Variants in ITPR1 observed in about 807,000 individuals in gnomAD.
ITPR1 encodes inositol 1,4,5-trisphosphate receptor type 1.
Under a neutral mutation model 318.4 loss-of-function variants are expected in ITPR1, and 96 were observed. The ratio of observed to expected loss-of-function variants is 0.30; its 90% confidence interval spans 0.26 to 0.36. ITPR1 has a LOEUF of 0.36. Among genes scored for constraint, ITPR1 ranks in the 10% least tolerant of loss-of-function variants. The pLI, the probability that ITPR1 is intolerant of heterozygous loss-of-function variation, is 1.00. For synonymous variants in ITPR1, 1,312 were observed against 1,289.9 expected (o/e 1.02, Z -0.37); for missense variants, 2,440 against 3,460.2 (o/e 0.71, Z 7.40).
intron 11 of ITPR1, among the ~76,000 whole-genome samples, chr3:4,653,168 C>A (rs2093634663): frequency 6.6e-6 from 1 of 152,198 alleles, no homozygotes; most frequent in African/African-American, 2.4e-5. Flanking sequence ...TCTAGTCGTG[C>A]ATCAAAAGAC....
intron 60 of ITPR1, among the ~76,000 whole-genome samples, chr3:4,824,689 G>A (rs1047715702): frequency 1.3e-5 from 2 of 152,226 alleles, no homozygotes; most frequent in African/African-American, 4.8e-5. Context: ...GAGGAGAGTG[G>A]GAAAGAGGAT....
At chr3:4,572,558 A>T (rs1367137731) in intron 4 of ITPR1, among the ~76,000 whole-genome samples, 2 of 152,192 alleles carry the variant, frequency 1.3e-5, no homozygotes, top group Non-Finnish European at 2.9e-5. Flanking sequence ...AGCATAATAG[A>T]TAATGTGAGT....
At chr3:4,845,928 T>C (rs2051739833) in intron 61 of ITPR1, among the ~76,000 whole-genome samples, 2 of 152,266 alleles carry the variant, frequency 1.3e-5, no homozygotes, top group Non-Finnish European at 2.9e-5. Flanking sequence ...TTCTGAATGT[T>C]ACATTGCATG....
chr3:4,498,420 G>C (rs769121316), intron 2 of ITPR1, among the ~76,000 whole-genome samples: 6 of 152,152 alleles, frequency 3.9e-5, no homozygotes, highest in Non-Finnish European at 7.4e-5. Context: ...GTTGGAGGAA[G>C]GAGAAGAAGG....
chr3:4,764,848 A>G (rs112286112), intron 44 of ITPR1, among the ~76,000 whole-genome samples: 4,507 of 152,190 alleles, frequency 0.03, 92 homozygotes, highest in South Asian at 0.063. Context: ...GAGGCTGTCA[A>G]TTTCATGGGG....
At chr3:4,846,008 C>T (rs1204804495) in intron 61 of ITPR1, 131 bp from the exon 62 acceptor site, 12 of 518,754 alleles carry the variant, frequency 2.3e-5, no homozygotes, top group African/African-American at 1.6e-4. Flanking sequence ...TTTGATATAG[C>T]GATGGTACAC....
intron 2 of ITPR1, among the ~76,000 whole-genome samples, chr3:4,497,108 T>TG (rs1024702498): frequency 2.0e-5 from 3 of 152,202 alleles, no homozygotes; most frequent in African/African-American, 7.2e-5. Flanking sequence ...ATAGCTCAAT[T>TG]GATGAATGCA....
chr3:4,680,443 A>C, intron 24 of ITPR1, 110 bp from the exon 25 acceptor site: 2 of 917,806 alleles, frequency 2.2e-6, no homozygotes, highest in Non-Finnish European at 3.4e-6. Context: ...TTAGTGCTTA[A>C]GGTAATTGAT....
chr3:4,533,101 G>A (rs999505547), intron 4 of ITPR1, among the ~76,000 whole-genome samples: 2 of 152,190 alleles, frequency 1.3e-5, no homozygotes, highest in Admixed American at 1.3e-4. Context: ...TCAATAAACA[G>A]CTGGGGAGAG....
chr3:4,665,296 G>A lies in ITPR1; in HGVS notation c.1713G>A (p.Gln571=). ...CGCAGCAAGACTACAGGAAGAACCAGGTTTGGATTAAGCATTGGTGGGATG... is the reference window on the plus strand; with the variant it reads ...CGCAGCAAGACTACAGGAAGAACCAAGTTTGGATTAAGCATTGGTGGGATG... ...RHSQQDYRKN[Q]EYIAKQFGFM... is the part of the protein sequence containing the mutation. Residue 571 remains glutamine, a splice_region_variant and synonymous_variant, in exon 17 of 62, where the codon CAG becomes CAA. Coordinates refer to ENST00000649015, the MANE Select transcript of ITPR1 (RefSeq NM_001378452.1). The A allele has an allele frequency of 6.2e-7, 1 of 1,607,406 alleles. No individual in the cohort carries two copies. The highest frequency in any genetic ancestry group is 8.5e-7 in the Non-Finnish European group (1 of 1,174,740).
intron 54 of ITPR1, among the ~76,000 whole-genome samples, chr3:4,803,750 A>G (rs1474401907): frequency 2.0e-5 from 3 of 152,208 alleles, no homozygotes; most frequent in Non-Finnish European, 1.5e-5. Flanking sequence ...TTCCACAGTT[A>G]TCACTTCTTT....
intron 52 of ITPR1, among the ~76,000 whole-genome samples, chr3:4,792,081 C>G (rs897579182): frequency 1.5e-4 from 23 of 152,160 alleles, no homozygotes; most frequent in Non-Finnish European, 3.2e-4. Context: ...CCCGGCCCCT[C>G]CCTCCACCTT....
chr3:4,494,000 T>A (rs531716582), intron 1 of ITPR1, among the ~76,000 whole-genome samples: 4 of 150,238 alleles, frequency 2.7e-5, no homozygotes, highest in Non-Finnish European at 5.9e-5. Flanking sequence ...GTTGGGAGAA[T>A]AATGCATGTG....
In ITPR1 at chr3:4,576,200, G is replaced by C. The variant is rs114205043; in HGVS notation, c.164-51563G>C. Among the ~76,000 whole-genome samples, 800 of 152,300 alleles carry C rather than the reference G, an allele frequency of 5.3e-3. 16 individuals carry two copies. Among genetic ancestry groups the C allele is most frequent in the Non-Finnish European group, 3.0e-3 (205 of 68,020 alleles). ...ATTTCTTTACTGTTAAGTACATTGA[G>C]CTCATAGAAGGAACTGATGAATAGG... On this transcript the variant is annotated intron_variant, in intron 4 of 61. Coordinates refer to ENST00000649015, the MANE Select transcript of ITPR1 (RefSeq NM_001378452.1).
chr3:4,563,394 A>G (rs2086882535), intron 4 of ITPR1, among the ~76,000 whole-genome samples: 1 of 152,162 alleles, frequency 6.6e-6, no homozygotes, highest in African/African-American at 2.4e-5. Flanking sequence ...CTGTGGTCCC[A>G]GCTACTCAGG....
chr3:4,658,744 G>C (rs940751912), intron 13 of ITPR1, among the ~76,000 whole-genome samples: 1 of 151,948 alleles, frequency 6.6e-6, no homozygotes, highest in Non-Finnish European at 1.5e-5. Context: ...GAAATCTTTA[G>C]TTATTTTTTT....
chr3:4,617,211 T>C (rs2092421774), intron 4 of ITPR1, among the ~76,000 whole-genome samples: 3 of 152,130 alleles, frequency 2.0e-5, no homozygotes. Context: ...CATTTTCCAG[T>C]GTCTTAGTCT....
chr3:4,817,984 A>T, intron 59 of ITPR1, 98 bp from the exon 60 acceptor site: 1 of 973,964 alleles, frequency 1.0e-6, no homozygotes, highest in Non-Finnish European at 1.5e-6. Flanking sequence ...GACAGGAGTG[A>T]AACCACAGCC....
chr3:4,511,929 A>C (rs765569609), intron 2 of ITPR1, among the ~76,000 whole-genome samples: 3 of 152,220 alleles, frequency 2.0e-5, no homozygotes, highest in Non-Finnish European at 2.9e-5. Flanking sequence ...AGGGCAGATG[A>C]ATAGCAAAAG....
Sources: gnomAD v4.1 joint callset for allele counts (sites outside exome capture counted in the v4.1 genomes callset) on GRCh38, gnomAD v4.1.1 for gene constraint, MANE v1.5 for transcripts, NCBI Gene and HGNC (gene_info 2026-07-23, HGNC 2026-07-21) for gene names.